Variants in PPARG observed in about 807,000 individuals in gnomAD.
PPARG encodes the protein peroxisome proliferator activated receptor gamma.
Under a neutral mutation model 39.2 loss-of-function variants are expected in PPARG, and 17 were observed. The ratio of observed to expected loss-of-function variants is 0.43; its 90% CI spans 0.30 to 0.65. The LOEUF is 0.65. Ranked by LOEUF, PPARG falls within the 30% of genes least tolerant of loss-of-function variation. PPARG has a pLI of 0.13. For synonymous variants in PPARG, 223 were observed against 215.7 expected (o/e 1.03, Z -0.30); for missense variants, 406 against 585.9 (o/e 0.69, Z 3.17).
intron 5 of PPARG, among the ~76,000 whole-genome samples, chr3:12,402,387 A>G (rs915808617): frequency 6.6e-6 from 1 of 152,088 alleles, no homozygotes; most frequent in African/African-American, 2.4e-5. Context: ...CCTAATGGAC[A>G]TAGTGTCTCA....
At chr3:12,415,646 C>T (rs1214606220) in intron 6 of PPARG, among the ~76,000 whole-genome samples, 5 of 152,104 alleles carry the variant, frequency 3.3e-5, no homozygotes, top group African/African-American at 9.7e-5. Flanking sequence ...GATTGTTTGA[C>T]CTATAAGGAC....
chr3:12,384,653 G>GT (rs374051494), intron 4 of PPARG, among the ~76,000 whole-genome samples: 7 of 152,200 alleles, frequency 4.6e-5, no homozygotes, highest in African/African-American at 1.7e-4. Flanking sequence ...CCCAAAGTGT[G>GT]GTCTGGGGCT....
At chr3:12,346,824 C>T (rs1305554555) in intron 2 of PPARG, among the ~76,000 whole-genome samples, 2 of 151,662 alleles carry the variant, frequency 1.3e-5, no homozygotes, top group Non-Finnish European at 2.9e-5. Flanking sequence ...TTTATAGAGG[C>T]AGGGTCTCAC....
intron 3 of PPARG, 50 bp downstream of exon 3, chr3:12,379,981 C>A: frequency 4.2e-6 from 6 of 1,426,082 alleles, no homozygotes; most frequent in Non-Finnish European, 5.9e-6. Context: ...GAATTGGACT[C>A]ATCTCTCAGT....
At chr3:12,415,941 A>G (rs1299588882) in intron 6 of PPARG, among the ~76,000 whole-genome samples, 2 of 152,244 alleles carry the variant, frequency 1.3e-5, no homozygotes, top group Admixed American at 6.5e-5. Context: ...TTTAAGAAAA[A>G]AAAATTTTTT....
chr3:12,415,993 G>A (rs1043756368), intron 6 of PPARG, among the ~76,000 whole-genome samples: 3 of 152,174 alleles, frequency 2.0e-5, no homozygotes, highest in African/African-American at 2.4e-5. Context: ...TATTTTCAAC[G>A]CTGAGTTGCT....
At chr3:12,410,635 T>C (rs1470932199) in intron 6 of PPARG, among the ~76,000 whole-genome samples, 1 of 152,250 alleles carries the variant, frequency 6.6e-6, no homozygotes, top group Non-Finnish European at 1.5e-5. Flanking sequence ...ACTGTATTTA[T>C]AATTATAAGA....
chr3:12,292,060 T>C (rs1047452050), intron 1 of PPARG, among the ~76,000 whole-genome samples: 6 of 152,246 alleles, frequency 3.9e-5, no homozygotes, highest in Non-Finnish European at 7.3e-5. Flanking sequence ...AATAGTTCAC[T>C]GTAGTTCAAA....
At chr3:12,328,168 G>A (rs2047747954) in intron 2 of PPARG, 1 of 1,324,048 alleles carries the variant, frequency 7.6e-7, no homozygotes, top group Non-Finnish European at 1.1e-6. Context: ...GCAGCAAATA[G>A]CGAAGAAAAA....
rs367667733 is a variant in PPARG at position 12,405,820 on chromosome 3, CAGTGTGTGTTCAGAGCAGT to C, written c.530-58_530-40del. 797 of 1,533,320 alleles carry C rather than the reference CAGTGTGTGTTCAGAGCAGT, an allele frequency of 5.2e-4. 4 individuals carry two copies. In the African/African-American group the frequency reaches 9.1e-3, roughly 18 times the overall value. The allele number at this position is 1,533,320 out of a possible 1,614,324, so 95.0% of individuals were successfully genotyped here. The stretch of plus-strand genomic sequence containing the variant: ...TGTGGGAACGAGGGCTGGGAGAGCA[CAGTGTGTGTTCAGAGCAGT>C]AGTAATCCAATGATTCATCCTGTCA... On this transcript the variant is annotated intron_variant, in intron 5 of 7. Coordinates refer to ENST00000651735, the MANE Select transcript of PPARG (RefSeq NM_138711.6).
chr3:12,305,869 A>C (rs1036841509), intron 1 of PPARG: 2 of 152,232 alleles, frequency 1.3e-5, no homozygotes, highest in East Asian at 3.8e-4. Context: ...TCTGCAGTTT[A>C]AATCTTGAAC....
intron 2 of PPARG, among the ~76,000 whole-genome samples, chr3:12,355,061 T>G (rs926044634): frequency 3.3e-5 from 5 of 152,224 alleles, no homozygotes; most frequent in African/African-American, 1.2e-4. Flanking sequence ...CTCAGAGGCA[T>G]TGAGAAACTT....
At chr3:12,425,623 T>G (rs2051414401) in intron 7 of PPARG, among the ~76,000 whole-genome samples, 1 of 152,098 alleles carries the variant, frequency 6.6e-6, no homozygotes, top group Admixed American at 6.6e-5. Context: ...CCACCCTTCT[T>G]CCTCTACCTC....
intron 2 of PPARG, among the ~76,000 whole-genome samples, chr3:12,364,148 C>G (rs148926524): frequency 6.6e-6 from 1 of 152,272 alleles, no homozygotes; most frequent in African/African-American, 2.4e-5. Context: ...GACACATATC[C>G]ACCATTGTAG....
At chr3:12,395,264 G>A (rs536904466) in intron 5 of PPARG, among the ~76,000 whole-genome samples, 1 of 152,306 alleles carries the variant, frequency 6.6e-6, no homozygotes, top group Non-Finnish European at 1.5e-5. Flanking sequence ...TTCACAGATA[G>A]GTAGGCACCT....
intron 2 of PPARG, among the ~76,000 whole-genome samples, chr3:12,321,655 C>G (rs1319387986): frequency 6.6e-6 from 1 of 152,170 alleles, no homozygotes; most frequent in Non-Finnish European, 1.5e-5. Context: ...CATCCCCTTT[C>G]AGAGAGCATT....
intron 7 of PPARG, among the ~76,000 whole-genome samples, chr3:12,431,354 A>T (rs1364333583): frequency 6.6e-6 from 1 of 152,208 alleles, no homozygotes; most frequent in African/African-American, 2.4e-5. Flanking sequence ...AGCCCATGGG[A>T]TGAAACCAAA....
chr3:12,294,554 T>G (rs1451595172), intron 1 of PPARG, among the ~76,000 whole-genome samples: 1 of 152,136 alleles, frequency 6.6e-6, no homozygotes, highest in South Asian at 2.1e-4. Flanking sequence ...TGTGCCAAGG[T>G]AGTATAAATA....
chr3:12,410,912 T>G (rs1272863299), intron 6 of PPARG, among the ~76,000 whole-genome samples: 2 of 152,192 alleles, frequency 1.3e-5, no homozygotes, highest in Non-Finnish European at 2.9e-5. Flanking sequence ...CCGACTGAGC[T>G]GGAATTTGCT....
Sources: allele counts gnomAD v4.1 joint callset (sites outside exome capture counted in the v4.1 genomes callset), GRCh38; gene constraint gnomAD v4.1.1; transcripts MANE v1.5; gene names NCBI Gene and HGNC (gene_info 2026-07-23, HGNC 2026-07-21).